Variants in COBL observed in about 807,000 individuals in gnomAD.
COBL encodes the protein cordon-bleu WH2 repeat protein, also known as protein cordon-bleu.
In COBL, 51 loss-of-function variants were observed where a neutral mutation model predicts 98.8. That is an observed-to-expected ratio of 0.52 (90% CI 0.41 to 0.65). COBL has a LOEUF of 0.65. COBL is among the 30% of genes least tolerant of loss of function. The pLI is 0.00. For missense variants in COBL, 1,617 were observed against 1,617.5 expected (o/e 1.00, Z 0.01); for synonymous variants, 634 against 651.7 (o/e 0.97, Z 0.41).
rs924434905 is a variant in COBL at position 51,058,112 on chromosome 7, C to CT, written c.1097-14421dup. Among the ~76,000 whole-genome samples, 49 of 148,562 alleles carry CT rather than the reference C, an allele frequency of 3.3e-4. No individual in the cohort carries two copies. In the South Asian group the frequency reaches 3.9e-3, roughly 12 times the overall value. ...ACATTAGGTTGCTTTTTTTGGTAAT[C>CT]TTTTTTTTTTAGAAGCTTTTTGGAT... On this transcript the variant is annotated intron_variant, in intron 7 of 12. Transcript: ENST00000265136.
chr7:51,113,162 A>G (rs761026751), intron 6 of COBL, among the ~76,000 whole-genome samples: 4 of 152,318 alleles, frequency 2.6e-5, no homozygotes, highest in Non-Finnish European at 4.4e-5. Context: ...TGGAGCATCT[A>G]TGCTTCATCA....
chr7:51,285,480 T>C (rs536145080), intron 1 of COBL, among the ~76,000 whole-genome samples: 8 of 152,084 alleles, frequency 5.3e-5, no homozygotes, highest in Middle Eastern at 3.4e-3. Flanking sequence ...ATTTCTATAC[T>C]AACAATCCAT....
intron 8 of COBL, chr7:51,033,874 G>T (rs1278823810): frequency 1.3e-5 from 2 of 152,200 alleles, no homozygotes; most frequent in Non-Finnish European, 2.9e-5. Context: ...TAACAGAGAG[G>T]CTGTACAAGG....
At chr7:51,291,089 A>G (rs968169502) in intron 1 of COBL, among the ~76,000 whole-genome samples, 2 of 152,198 alleles carry the variant, frequency 1.3e-5, no homozygotes, top group African/African-American at 4.8e-5. Context: ...GCGCCAGAGC[A>G]AGGAAAGCAG....
intron 11 of COBL, among the ~76,000 whole-genome samples, chr7:51,025,990 G>T (rs1787513302): frequency 6.6e-6 from 1 of 152,226 alleles, no homozygotes; most frequent in African/African-American, 2.4e-5. Context: ...AATAGACATA[G>T]AGGCTGGACA....
chr7:51,252,164 T>TCA (rs1353257730), intron 1 of COBL, among the ~76,000 whole-genome samples: 38 of 152,328 alleles, frequency 2.5e-4, no homozygotes, highest in African/African-American at 8.9e-4. Context: ...TGCTTTTGTT[T>TCA]TGTTTTCATG....
At chr7:51,255,087 T>C (rs1159996722) in intron 1 of COBL, among the ~76,000 whole-genome samples, 2 of 152,372 alleles carry the variant, frequency 1.3e-5, no homozygotes, top group East Asian at 3.9e-4. Context: ...AGGATCCATG[T>C]GAAGCCTGAA....
chr7:51,161,286 C>T (rs558165026), intron 5 of COBL, among the ~76,000 whole-genome samples: 37 of 152,180 alleles, frequency 2.4e-4, no homozygotes, highest in Non-Finnish European at 4.1e-4. Context: ...CCTGGAGACC[C>T]GGATCAGCTG....
chr7:51,215,969 G>T (rs1248935649), intron 2 of COBL, among the ~76,000 whole-genome samples: 1 of 152,246 alleles, frequency 6.6e-6, no homozygotes, highest in Non-Finnish European at 1.5e-5. Flanking sequence ...GTCTAAGCTT[G>T]TCTGTTGTAA....
chr7:51,280,790 G>A (rs1015500611), intron 1 of COBL, among the ~76,000 whole-genome samples: 4 of 152,130 alleles, frequency 2.6e-5, no homozygotes, highest in East Asian at 3.8e-4. Context: ...ACTGGCCACC[G>A]GTAGCAGAAA....
intron 1 of COBL, among the ~76,000 whole-genome samples, chr7:51,250,819 T>C (rs1054913459): frequency 1.3e-5 from 2 of 152,162 alleles, no homozygotes; most frequent in Non-Finnish European, 2.9e-5. Flanking sequence ...TCAGTCCCTC[T>C]TGCTCCCTTG....
intron 1 of COBL, among the ~76,000 whole-genome samples, chr7:51,285,800 T>C (rs1800302593): frequency 6.6e-6 from 1 of 152,106 alleles, no homozygotes. Context: ...TTTTGAAAAA[T>C]AAGAATGTTG....
At chr7:51,112,504 G>A (rs1796926462) in intron 6 of COBL, among the ~76,000 whole-genome samples, 1 of 152,166 alleles carries the variant, frequency 6.6e-6, no homozygotes, top group South Asian at 2.1e-4. Flanking sequence ...TCATGTTGGG[G>A]TGTCCCTGCA....
At chr7:51,025,481 G>T (rs2128867602) in intron 11 of COBL, 109 bp from the exon 12 acceptor site, 3 of 1,159,938 alleles carry the variant, frequency 2.6e-6, no homozygotes, top group East Asian at 2.4e-5. Context: ...GATTGGGGGT[G>T]ACTAGGTCAT....
chr7:51,302,062 G>A (rs947307747), intron 1 of COBL, among the ~76,000 whole-genome samples: 1 of 152,098 alleles, frequency 6.6e-6, no homozygotes, highest in Non-Finnish European at 1.5e-5. Flanking sequence ...GGCAGCCGCC[G>A]AGCTGCATGT....
intron 4 of COBL, among the ~76,000 whole-genome samples, chr7:51,187,088 T>C (rs1043347140): frequency 3.9e-5 from 6 of 152,048 alleles, no homozygotes; most frequent in Admixed American, 6.6e-5. Context: ...TTCTGAAGCA[T>C]TACAATGATT....
chr7:51,046,096 C>T lies in COBL; in HGVS notation c.1097-2404G>A, dbSNP rs931513438. Reference sequence around the variant, plus strand: ...GGCCTGCTCTCAGGAGGTTTATCTGCGTCTAGGGAGAAGAGTGGCACAGGA... The same window carrying T: ...GGCCTGCTCTCAGGAGGTTTATCTGTGTCTAGGGAGAAGAGTGGCACAGGA... On this transcript the variant is annotated intron_variant, in intron 7 of 12. Transcript: ENST00000265136. Among the ~76,000 whole-genome samples, 9 of 152,170 alleles carry T rather than the reference C, an allele frequency of 5.9e-5. 1 individual carries two copies. The highest frequency in any genetic ancestry group is 5.9e-4 in the Admixed American group (9 of 15,280).
intron 6 of COBL, among the ~76,000 whole-genome samples, chr7:51,133,007 G>A (rs1242801609): frequency 5.3e-5 from 8 of 152,096 alleles, no homozygotes; most frequent in Non-Finnish European, 7.4e-5. Context: ...ATTTGGAGGG[G>A]ACAAACATCC....
intron 1 of COBL, among the ~76,000 whole-genome samples, chr7:51,262,798 G>T (rs757217325): frequency 3.5e-4 from 54 of 152,156 alleles, no homozygotes; most frequent in Non-Finnish European, 1.6e-4. Flanking sequence ...GATGAAGAGG[G>T]CAATAATGAA....
Sources: allele counts gnomAD v4.1 joint callset (sites outside exome capture counted in the v4.1 genomes callset), GRCh38; gene constraint gnomAD v4.1.1; transcripts MANE v1.5; gene names NCBI Gene and HGNC (gene_info 2026-07-23, HGNC 2026-07-21).